Variants in DNAH10 observed in about 807,000 individuals in gnomAD.
DNAH10 encodes dynein axonemal heavy chain 10.
DNAH10 carries 348 observed loss-of-function variants against 506.6 expected under a neutral mutation model. The observed-to-expected ratio is 0.69, with a 90% confidence interval of 0.63 to 0.75. The LOEUF is 0.75. Among genes scored for constraint, DNAH10 ranks in the 30% least tolerant of loss-of-function variants. The pLI is 0.00. For missense variants in DNAH10, 5,179 were observed against 5,787.1 expected, an observed-to-expected ratio of 0.89 and a Z score of 3.41; for synonymous variants, 2,059 against 2,198.6, an observed-to-expected ratio of 0.94 and a Z score of 1.78.
chr12:123,911,058 TA>T (rs1219409869), intron 59 of DNAH10, among the ~76,000 whole-genome samples: 1 of 150,340 alleles, frequency 6.7e-6, no homozygotes. Context: ...AAAAGTTTTT[TA>T]ATTAGCCGAG....
At chr12:123,823,316 C>T (rs545190112) in intron 24 of DNAH10, among the ~76,000 whole-genome samples, 58 of 152,258 alleles carry the variant, frequency 3.8e-4, no homozygotes, top group African/African-American at 1.3e-3. Flanking sequence ...GCGAAGCGGC[C>T]GGTGGAGATG....
At chr12:123,918,602 G>C (rs984703781) in intron 64 of DNAH10, 74 bp from the exon 65 acceptor site, 3 of 1,499,300 alleles carry the variant, frequency 2.0e-6, no homozygotes, top group East Asian at 2.3e-5. Flanking sequence ...CCTCTCTGCT[G>C]TCCCCCTGCC....
At chr12:123,832,071 C>T (rs1029644047) in intron 26 of DNAH10, among the ~76,000 whole-genome samples, 1 of 152,128 alleles carries the variant, frequency 6.6e-6, no homozygotes, top group Non-Finnish European at 1.5e-5. Context: ...GACACATATG[C>T]ATGCAAACAC....
At chr12:123,833,752 G>C (rs957617325) in intron 27 of DNAH10, among the ~76,000 whole-genome samples, 2 of 152,034 alleles carry the variant, frequency 1.3e-5, no homozygotes, top group African/African-American at 4.8e-5. Context: ...TGTGGTGGTG[G>C]ATTTTCCTCT....
At chr12:123,775,202 A>T (rs1957394350) in intron 5 of DNAH10, among the ~76,000 whole-genome samples, 1 of 151,978 alleles carries the variant, frequency 6.6e-6, no homozygotes, top group Non-Finnish European at 1.5e-5. Flanking sequence ...TGCAGCCTCA[A>T]CTCTCAAGTG....
chr12:123,835,808 A>G (rs1961076731), intron 28 of DNAH10, among the ~76,000 whole-genome samples: 1 of 152,158 alleles, frequency 6.6e-6, no homozygotes, highest in African/African-American at 2.4e-5. Flanking sequence ...CATTTTTTAT[A>G]GGGATAGGAT....
intron 18 of DNAH10, among the ~76,000 whole-genome samples, chr12:123,807,841 AGGAAGGGAGAAGCCTG>A (rs1958744446): frequency 4.8e-5 from 1 of 20,782 alleles, no homozygotes; most frequent in Non-Finnish European, 9.2e-5. Flanking sequence ...AGAGGGAGAG[AGGAAGGGAGAAGCCTG>A]GAGAGGGAGA....
intron 40 of DNAH10, 141 bp downstream of exon 40, chr12:123,864,871 G>T: frequency 9.3e-7 from 1 of 1,078,876 alleles, no homozygotes; most frequent in Non-Finnish European, 1.3e-6. Context: ...ACAACTCTTT[G>T]TTCTTTACTC....
chr12:123,809,995 C>G (rs1473970351), intron 19 of DNAH10, among the ~76,000 whole-genome samples: 1 of 152,144 alleles, frequency 6.6e-6, no homozygotes, highest in Non-Finnish European at 1.5e-5. Context: ...ATCTTCCTAC[C>G]ACGTACCACT....
chr12:123,903,226 T>C lies in DNAH10; in HGVS notation c.9815+113T>C. On this transcript the variant is annotated intron_variant, in intron 57 of 78. Coordinates refer to ENST00000673944, the MANE Select transcript of DNAH10 (RefSeq NM_001372106.1). This position sits in a 1 kb window ranked among gnomAD's most constrained non-coding sequence, Gnocchi z 4.6. ...AGGAGCCGATGCCACATGCTGCCAC[T>C]GTGCCTGGCTCTCTCCATGGTGGAG... 7.6e-7 allele frequency: 1 copy of C among 1,322,536 alleles called. No homozygotes were observed. The highest frequency in any genetic ancestry group is 2.5e-5 in the East Asian group (1 of 39,376). 81.9% of individuals were successfully genotyped at this position (1,322,536 alleles called of 1,614,324 possible).
chr12:123,774,049 G>T, intron 4 of DNAH10, 100 bp from the exon 5 acceptor site: 1 of 774,842 alleles, frequency 1.3e-6, no homozygotes. Context: ...ATTCCTTGTA[G>T]CAGCTTGGGA....
At chr12:123,860,665 G>A (rs1050049610) in intron 38 of DNAH10, among the ~76,000 whole-genome samples, 1 of 152,060 alleles carries the variant, frequency 6.6e-6, no homozygotes, top group East Asian at 1.9e-4. Flanking sequence ...TCTCCTATAC[G>A]CCCTTAATTC....
rs1385806828 is a variant in DNAH10 at position 123,925,226 on chromosome 12, T to C, written c.11921+22T>C. On this transcript the variant is annotated intron_variant, in intron 68 of 78. Transcript: ENST00000673944. This position sits in a 1 kb window ranked among gnomAD's most constrained non-coding sequence, Gnocchi z 4.0. Reference sequence around the variant, plus strand: ...AGAAGTAAGTGTGTCGTTTTGTTGATTTGCCACTTTCCGTGGGGTGGAATC... The same window carrying C: ...AGAAGTAAGTGTGTCGTTTTGTTGACTTGCCACTTTCCGTGGGGTGGAATC... 2 of 1,613,152 alleles carry C rather than the reference T, an allele frequency of 1.2e-6. No homozygotes were observed. Among genetic ancestry groups the C allele is most frequent in the South Asian group, 1.1e-5 (1 of 91,060 alleles).
At chr12:123,806,067 C>G (rs748795319) in intron 18 of DNAH10, among the ~76,000 whole-genome samples, 1 of 152,158 alleles carries the variant, frequency 6.6e-6, no homozygotes, top group Non-Finnish European at 1.5e-5. Flanking sequence ...TGAGCCACTG[C>G]GCCCGGCCAC....
rs114268691 is a variant in DNAH10 at position 123,793,054 on chromosome 12, A to G, written c.1816-888A>G. Among the ~76,000 whole-genome samples the G allele has an allele frequency of 3.6e-3, 541 of 152,306 alleles. 2 individuals are homozygous for G. Among genetic ancestry groups the G allele is most frequent in the African/African-American group, 0.012 (517 of 41,576 alleles). ...TTAAAATTGATTTCTAGCTTCCAATATTAGAAGTCTGATGTTATTCTTGAG... is the reference window on the plus strand; with the variant it reads ...TTAAAATTGATTTCTAGCTTCCAATGTTAGAAGTCTGATGTTATTCTTGAG... On this transcript the variant is annotated intron_variant, in intron 11 of 78. Transcript: ENST00000673944.
In DNAH10 at chr12:123,897,808, G is replaced by T. The variant is rs764332765; in HGVS notation, c.9319G>T (p.Val3107Leu). ...PMIPAENIEN[V>L]VKHVVLVHQS... ...GATCCCGGCAGAAAATATAGAAAAT[G>T]TGGTGAAGCATGTTGTCTTGGTTCA... Residue 3107 changes from valine to leucine, a missense_variant, in exon 55 of 79, where the codon GTG becomes TTG. Coordinates refer to ENST00000673944, the MANE Select transcript of DNAH10 (RefSeq NM_001372106.1). The T allele has an allele frequency of 1.9e-6, 3 of 1,609,322 alleles. No homozygotes were observed. The highest frequency in any genetic ancestry group is 2.5e-6 in the Non-Finnish European group (3 of 1,178,804).
At chr12:123,862,323 A>ATCCTCC (rs546405184) in intron 39 of DNAH10, among the ~76,000 whole-genome samples, 2 of 150,846 alleles carry the variant, frequency 1.3e-5, no homozygotes, top group African/African-American at 2.4e-5. Flanking sequence ...GAATCTGGTC[A>ATCCTCC]TCCTCCTCCT....
rs182710679 is a variant in DNAH10 at position 123,775,262 on chromosome 12, C to T, written c.621+998C>T. The stretch of plus-strand genomic sequence containing the variant: ...TGGCTGGGATTACAGGCATACACCA[C>T]CATGCCTGGCTCATTTTTGTACTTA... On this transcript the variant is annotated intron_variant, in intron 5 of 78. Transcript: ENST00000673944. Among the ~76,000 whole-genome samples the T allele has an allele frequency of 4.5e-3, 688 of 152,198 alleles. 1 individual carries two copies. Among genetic ancestry groups the T allele is most frequent in the African/African-American group, 0.015 (611 of 41,512 alleles).
chr12:123,846,284 T>C lies in DNAH10; in HGVS notation c.5814+130T>C. 8.0e-7 allele frequency: 1 copy of C among 1,248,552 alleles called. No homozygotes were observed. Among genetic ancestry groups the C allele is most frequent in the Non-Finnish European group, 1.1e-6 (1 of 929,446 alleles). The allele number at this position is 1,248,552 out of a possible 1,614,324, so 77.3% of individuals were successfully genotyped here. On this transcript the variant is annotated intron_variant, in intron 32 of 78. Transcript: ENST00000673944. The surrounding 1 kb of genome is among the most constrained non-coding windows in gnomAD (Gnocchi z 4.5). ...CATTGCTTTGAAATCTCGAAAAGCT[T>C]TTCCATTTGGGATGTGACCAGATTG...
Sources: allele counts gnomAD v4.1 joint callset (sites outside exome capture counted in the v4.1 genomes callset), GRCh38; gene constraint gnomAD v4.1.1; non-coding constraint Gnocchi (gnomAD v3.1); transcripts MANE v1.5; gene names NCBI Gene and HGNC (gene_info 2026-07-23, HGNC 2026-07-21).